Variants in TNFSF4 observed in about 807,000 individuals in gnomAD.
The protein encoded by TNFSF4 is tumor necrosis factor ligand superfamily member 4.
A neutral mutation model predicts 7.3 loss-of-function variants in TNFSF4; 4 were observed. The ratio of observed to expected loss-of-function variants is 0.55; its 90% confidence interval spans 0.27 to 1.25. The LOEUF is 1.25. TNFSF4 is among the 50% of genes most tolerant of loss of function. The pLI, the probability that TNFSF4 is intolerant of heterozygous loss-of-function variation, is 0.12. For missense variants in TNFSF4, 181 were observed against 208.8 expected, an observed-to-expected ratio of 0.87 and a Z score of 0.82; for synonymous variants, 76 against 83.7, an observed-to-expected ratio of 0.91 and a Z score of 0.50.
chr1:173,420,205 C>T, the TNFSF4 span, among the ~76,000 whole-genome samples: 1 of 151,644 alleles, frequency 6.6e-6, no homozygotes, highest in East Asian at 1.9e-4. Context: ...CTCTTTAAAA[C>T]AAACAAACAA....
chr1:173,215,011 T>C, the TNFSF4 span, among the ~76,000 whole-genome samples: 1 of 152,022 alleles, frequency 6.6e-6, no homozygotes, highest in Admixed American at 6.6e-5. Flanking sequence ...CCCAAATTCA[T>C]ATGTTGAAGC....
At chr1:173,290,812 GACCA>G in the TNFSF4 span, among the ~76,000 whole-genome samples, 1 of 151,938 alleles carries the variant, frequency 6.6e-6, no homozygotes, top group Non-Finnish European at 1.5e-5. Flanking sequence ...CATACTCGAA[GACCA>G]ACCACATGCC....
At chr1:173,306,921 C>A in the TNFSF4 span, among the ~76,000 whole-genome samples, 1 of 151,838 alleles carries the variant, frequency 6.6e-6, no homozygotes, top group Non-Finnish European at 1.5e-5. Flanking sequence ...AGCTTTGAGT[C>A]AGATACTAGT....
chr1:173,442,965 G>T, the TNFSF4 span, among the ~76,000 whole-genome samples: 1 of 152,042 alleles, frequency 6.6e-6, no homozygotes, highest in African/African-American at 2.4e-5. Context: ...GATTACAGAT[G>T]TTAGCCACCA....
chr1:173,450,438 C>T, the TNFSF4 span, among the ~76,000 whole-genome samples: 1 of 151,946 alleles, frequency 6.6e-6, no homozygotes, highest in Non-Finnish European at 1.5e-5. Context: ...ATGAGATTGG[C>T]ATTACCCAAT....
At chr1:173,269,639 T>C in the TNFSF4 span, among the ~76,000 whole-genome samples, 1 of 152,152 alleles carries the variant, frequency 6.6e-6, no homozygotes, top group Admixed American at 6.6e-5. Context: ...ATAGACACAC[T>C]GGACAAAGGG....
the TNFSF4 span, among the ~76,000 whole-genome samples, chr1:173,312,253 A>C: frequency 6.6e-6 from 1 of 152,070 alleles, no homozygotes; most frequent in Non-Finnish European, 1.5e-5. Flanking sequence ...ACTTGTTAAA[A>C]TTTTCTAAAT....
intron 1 of TNFSF4, among the ~76,000 whole-genome samples, chr1:173,201,972 G>A (rs1001930248): frequency 1.3e-5 from 2 of 151,884 alleles, no homozygotes; most frequent in African/African-American, 4.8e-5. Flanking sequence ...GATGCAAAAG[G>A]ATTAACTTTC....
At chr1:173,264,749 G>A in the TNFSF4 span, among the ~76,000 whole-genome samples, 4 of 152,118 alleles carry the variant, frequency 2.6e-5, no homozygotes, top group Admixed American at 6.5e-5. Context: ...GACAGAGAGC[G>A]GGTACTGAAA....
chr1:173,323,909 G>C, the TNFSF4 span, among the ~76,000 whole-genome samples: 4 of 152,172 alleles, frequency 2.6e-5, no homozygotes, highest in Admixed American at 2.0e-4. Context: ...AAGTGACAGG[G>C]AGAATGCAAC....
chr1:173,193,363 T>C (rs1351296459), intron 1 of TNFSF4, among the ~76,000 whole-genome samples: 2 of 152,176 alleles, frequency 1.3e-5, no homozygotes, highest in African/African-American at 2.4e-5. Context: ...GAAATGCAAA[T>C]GCTCCTAAGT....
chr1:173,193,803 A>G (rs1021632055), intron 1 of TNFSF4, among the ~76,000 whole-genome samples: 1 of 149,652 alleles, frequency 6.7e-6, no homozygotes, highest in African/African-American at 2.5e-5. Context: ...TCAAGTACCC[A>G]CTTGGCAAAT....
In TNFSF4 at chr1:173,188,584, A is replaced by G. The variant is rs746919143; in HGVS notation, c.154-15T>C. ...CGATGTGATACCTGAGGGAGGAAGA[A>G]AGACATATTCTTAGGAAAAAAACAT... On this transcript the variant is annotated splice_polypyrimidine_tract_variant and intron_variant, in intron 1 of 2. Coordinates refer to ENST00000281834, the MANE Select transcript of TNFSF4 (RefSeq NM_003326.5). 6.2e-7 allele frequency: 1 copy of G among 1,606,968 alleles called. No individual in the cohort carries two copies. The highest frequency in any genetic ancestry group is 8.5e-7 in the Non-Finnish European group (1 of 1,174,192).
the TNFSF4 span, among the ~76,000 whole-genome samples, chr1:173,351,218 T>C: frequency 6.6e-6 from 1 of 152,228 alleles, no homozygotes; most frequent in African/African-American, 2.4e-5. Flanking sequence ...ATGTTCACTT[T>C]GGGCCTTCAC....
the TNFSF4 span, among the ~76,000 whole-genome samples, chr1:173,229,529 G>A: frequency 1.3e-5 from 2 of 152,144 alleles, no homozygotes; most frequent in African/African-American, 4.8e-5. Context: ...ATCAACTAAT[G>A]AGCAAAATAA....
At chr1:173,332,054 C>T in the TNFSF4 span, among the ~76,000 whole-genome samples, 1 of 152,070 alleles carries the variant, frequency 6.6e-6, no homozygotes, top group Non-Finnish European at 1.5e-5. Flanking sequence ...TTACCCAGCC[C>T]AAATGCCAAT....
chr1:173,297,953 T>C, the TNFSF4 span, among the ~76,000 whole-genome samples: 37 of 151,900 alleles, frequency 2.4e-4, no homozygotes, highest in Non-Finnish European at 4.0e-4. Context: ...ATCATCAATG[T>C]TGAAAAAGCT....
intron 1 of TNFSF4, chr1:173,205,619 G>A: frequency 9.0e-7 from 1 of 1,111,876 alleles, no homozygotes; most frequent in African/African-American, 1.6e-5. Flanking sequence ...CACTCTCAGG[G>A]CTCCCAGACT....
At chr1:173,405,469 T>A in the TNFSF4 span, among the ~76,000 whole-genome samples, 1 of 152,168 alleles carries the variant, frequency 6.6e-6, no homozygotes, top group Non-Finnish European at 1.5e-5. Context: ...AGTTTACCAA[T>A]CCCTGAGCCA....
Sources: gnomAD v4.1 joint callset for allele counts (sites outside exome capture counted in the v4.1 genomes callset) on GRCh38, gnomAD v4.1.1 for gene constraint, MANE v1.5 for transcripts, NCBI Gene and HGNC (gene_info 2026-07-23, HGNC 2026-07-21) for gene names.